The following SNU13 variants were observed in gnomAD, a reference collection of about 807,000 sequenced individuals.
SNU13 encodes NHP2-like protein 1.
In SNU13, 2 loss-of-function variants were observed where a neutral mutation model predicts 12.4. The observed-to-expected ratio is 0.16, with a 90% CI of 0.07 to 0.51. SNU13 has a LOEUF of 0.51. Among genes scored for constraint, SNU13 ranks in the 20% least tolerant of loss-of-function variants. SNU13 has a pLI of 0.96. For missense variants in SNU13, 66 were observed against 157.8 expected, an observed-to-expected ratio of 0.42 and a Z score of 3.12; for synonymous variants, 68 against 66.5, an observed-to-expected ratio of 1.02 and a Z score of -0.11.
rs776551759 is a variant in SNU13, at chr22:41,680,251, G to T, written c.117C>A (p.Ala39=). 6.2e-6 allele frequency: 10 copies of T among 1,613,416 alleles called. No homozygotes were observed. The highest frequency in any genetic ancestry group is 8.5e-6 in the Non-Finnish European group (10 of 1,179,636). The change falls in exon 2 of 3, where the codon GCC becomes GCA. Residue 39 remains alanine (A), a synonymous_variant. Transcript: ENST00000401959. ...SCNYKQLRKG[A]NEATKTLNRG... ...ATCCTGTGGCTGCCTTACCCTCATT[G>T]GCTCCTTTCCGAAGCTGCTTATAGT...
chr22:41,681,900 G>A (rs1003256006), intron 1 of SNU13, among the ~76,000 whole-genome samples: 3 of 152,138 alleles, frequency 2.0e-5, no homozygotes, highest in African/African-American at 7.2e-5. Flanking sequence ...ACACACCCAT[G>A]TAGGGAGCAT....
chr22:41,685,278 C>T (rs897107654), intron 1 of SNU13, among the ~76,000 whole-genome samples: 3 of 152,026 alleles, frequency 2.0e-5, no homozygotes, highest in Non-Finnish European at 4.4e-5. Context: ...AGGGCTCAAG[C>T]GATCCTCCTG....
At chr22:41,689,544 T>C (rs932999976), upstream of SNU13, among the ~76,000 whole-genome samples, 3 of 151,820 alleles carry the variant, frequency 2.0e-5, no homozygotes, top group African/African-American at 7.3e-5. Context: ...CGGGCGCCTG[T>C]AGTCCCAGCT....
At chr22:41,689,804 C>T (rs2068345696), upstream of SNU13, among the ~76,000 whole-genome samples, 1 of 150,832 alleles carries the variant, frequency 6.6e-6, no homozygotes, top group Non-Finnish European at 1.5e-5. Context: ...ATGGAGAAAC[C>T]CCCGTCTCTA....
intron 2 of SNU13, among the ~76,000 whole-genome samples, chr22:41,676,509 C>T (rs1449890618): frequency 6.9e-6 from 1 of 145,556 alleles, no homozygotes; most frequent in East Asian, 2.1e-4. Context: ...AAAAGAATTA[C>T]CTAATTCTTT....
chr22:41,682,502 A>C, intron 1 of SNU13: 1 of 1,560,410 alleles, frequency 6.4e-7, no homozygotes, highest in Non-Finnish European at 8.6e-7. Context: ...AGCGGAAGTG[A>C]CGTCCAGGGC....
intron 1 of SNU13, among the ~76,000 whole-genome samples, chr22:41,680,848 C>T (rs1010233732): frequency 5.3e-5 from 8 of 152,332 alleles, no homozygotes; most frequent in Admixed American, 2.6e-4. Flanking sequence ...GCGTGCACCA[C>T]CATGCCAGGC....
intron 1 of SNU13, chr22:41,682,566 A>C: frequency 6.9e-7 from 1 of 1,452,296 alleles, no homozygotes; most frequent in Non-Finnish European, 9.0e-7. Flanking sequence ...TCTTAGGCGA[A>C]TTTGTCTTGG....
intron 1 of SNU13, chr22:41,682,545 G>C: frequency 4.0e-6 from 6 of 1,483,188 alleles, no homozygotes; most frequent in Non-Finnish European, 4.5e-6. Context: ...TGTCTTCTAC[G>C]TAACTCCTTA....
At chr22:41,682,869 G>C (rs930317898) in intron 1 of SNU13, among the ~76,000 whole-genome samples, 2 of 152,008 alleles carry the variant, frequency 1.3e-5, no homozygotes, top group African/African-American at 2.4e-5. Context: ...GGCTGGTCTC[G>C]AACTCCTGAT....
intron 2 of SNU13, among the ~76,000 whole-genome samples, chr22:41,676,893 T>C (rs1181072247): frequency 6.6e-6 from 1 of 152,204 alleles, no homozygotes; most frequent in Non-Finnish European, 1.5e-5. Context: ...TTTGTTTCTC[T>C]TAGTATCAGT....
chr22:41,682,397 G>A (rs1281754585), intron 1 of SNU13: 4 of 1,613,730 alleles, frequency 2.5e-6, no homozygotes, highest in Non-Finnish European at 3.4e-6. Flanking sequence ...ACACCGCGAG[G>A]ATACCACGCG....
intron 1 of SNU13, chr22:41,682,689 T>C: frequency 1.5e-6 from 1 of 647,672 alleles, no homozygotes; most frequent in Non-Finnish European, 2.2e-6. Context: ...CTCATACATT[T>C]ATTTATTTAG....
chr22:41,681,854 G>A (rs5758409), intron 1 of SNU13, among the ~76,000 whole-genome samples: 96,508 of 152,008 alleles, frequency 0.63, 33,823 homozygotes, highest in East Asian at 0.92. Flanking sequence ...CAGCGTGGGC[G>A]ACAGAGCGAG....
chr22:41,688,435 A>C (rs1378098010), intron 1 of SNU13: 1 of 257,746 alleles, frequency 3.9e-6, no homozygotes, highest in Non-Finnish European at 7.3e-6. Flanking sequence ...AAACAAGGAA[A>C]AAAAAAAGTT....
rs1295461780 is a variant in SNU13, at chr22:41,675,083, G to A, written c.237C>T (p.Pro79=). The A allele has an allele frequency of 1.2e-6, 2 of 1,614,188 alleles. No homozygotes were observed. The highest frequency in any genetic ancestry group is 1.1e-5 in the South Asian group (1 of 91,084). ...LPLLCEDKNV[P]YVFVRSKQAL... is the part of the protein sequence containing the mutation. ...CCTGCTTGGAGCGCACAAACACGTAGGGCACATTCTTGTCTTCACACAGCA... is the reference window on the plus strand; with the variant it reads ...CCTGCTTGGAGCGCACAAACACGTAAGGCACATTCTTGTCTTCACACAGCA... Residue 79 remains proline (P), a synonymous_variant, in exon 3 of 3, where the codon CCC becomes CCT. Transcript: ENST00000401959.
At chr22:41,678,226 C>T (rs11703145) in intron 2 of SNU13, among the ~76,000 whole-genome samples, 49,765 of 151,934 alleles carry the variant, frequency 0.33, 9,252 homozygotes, top group Non-Finnish European at 0.43. Flanking sequence ...CTGCCCACCT[C>T]GGCCTCCCAA....
At chr22:41,688,327 C>T (rs1041996709) in intron 1 of SNU13, 4 of 154,778 alleles carry the variant, frequency 2.6e-5, no homozygotes, top group African/African-American at 9.6e-5. Context: ...GAGATCTCCT[C>T]CTGAACCCCA....
chr22:41,676,239 G>A (rs983299441), intron 2 of SNU13, among the ~76,000 whole-genome samples: 2 of 151,996 alleles, frequency 1.3e-5, no homozygotes, highest in African/African-American at 2.4e-5. Context: ...TCCCACATGC[G>A]ACTCACCATG....
Sources: gnomAD v4.1 joint callset for allele counts (sites outside exome capture counted in the v4.1 genomes callset) on GRCh38, gnomAD v4.1.1 for gene constraint, MANE v1.5 for transcripts, NCBI Gene and HGNC (gene_info 2026-07-23, HGNC 2026-07-21) for gene names.